The following RFFL variants were observed in gnomAD, a reference collection of about 807,000 sequenced individuals.
RFFL encodes the protein ring finger and FYVE like domain containing E3 ubiquitin protein ligase.
RFFL carries 16 observed loss-of-function variants against 40.4 expected under a neutral mutation model. That is an observed-to-expected ratio of 0.40 (90% CI 0.27 to 0.60). RFFL has a LOEUF of 0.60. Ranked by LOEUF, RFFL falls within the 20% of genes least tolerant of loss-of-function variation. The pLI is 0.47. For missense variants in RFFL, 367 were observed against 451.7 expected (o/e 0.81, Z 1.70); for synonymous variants, 154 against 167.9 (o/e 0.92, Z 0.64).
chr17:35,011,809 A>C lies in RFFL; in HGVS notation c.*159T>G. Reference sequence around the variant, plus strand: ...CCAGCCAAGAGGTACACCCCTGGGAAGACAGGCATGCTCAGGGGTGACATG... The same window carrying C: ...CCAGCCAAGAGGTACACCCCTGGGACGACAGGCATGCTCAGGGGTGACATG... On this transcript the variant is annotated 3_prime_UTR_variant, in exon 7 of 7. Coordinates refer to ENST00000394597, the MANE Select transcript of RFFL (RefSeq NM_001017368.2). 1 of 670,200 alleles carries C rather than the reference A, an allele frequency of 1.5e-6. No homozygotes were observed. The highest frequency in any genetic ancestry group is 1.9e-5 in the South Asian group (1 of 53,988). 41.5% of individuals were successfully genotyped at this position (670,200 alleles called of 1,614,324 possible). A position where few individuals can be genotyped will look rare whatever the true frequency, so the allele number is the denominator to read the frequency against.
intron 1 of RFFL, among the ~76,000 whole-genome samples, chr17:35,040,724 T>G (rs2091158591): frequency 6.6e-6 from 1 of 151,940 alleles, no homozygotes. Context: ...CATATATTAA[T>G]CACATTTCCC....
At chr17:35,026,767 G>A (rs760463683) in intron 1 of RFFL, among the ~76,000 whole-genome samples, 2 of 152,112 alleles carry the variant, frequency 1.3e-5, no homozygotes, top group African/African-American at 4.8e-5. Flanking sequence ...ATGCAGTGGC[G>A]TGATCTCAGC....
intron 1 of RFFL, among the ~76,000 whole-genome samples, chr17:35,058,162 G>A (rs1026174655): frequency 6.6e-6 from 1 of 151,952 alleles, no homozygotes; most frequent in Non-Finnish European, 1.5e-5. Flanking sequence ...AGAAGCAGGA[G>A]AGATGAGATC....
At chr17:35,066,236 T>A (rs2091320697), upstream of RFFL, among the ~76,000 whole-genome samples, 1 of 152,200 alleles carries the variant, frequency 6.6e-6, no homozygotes, top group African/African-American at 2.4e-5. Flanking sequence ...ATTTAATGAG[T>A]GTGCATATGT....
chr17:35,079,308 G>A (rs1243047475), intron 1 of RFFL, among the ~76,000 whole-genome samples: 1 of 152,170 alleles, frequency 6.6e-6, no homozygotes, highest in African/African-American at 2.4e-5. Context: ...ACAGGCGTGA[G>A]CCACCGCCCA....
intron 1 of RFFL, among the ~76,000 whole-genome samples, chr17:35,051,796 C>T (rs1293023669): frequency 6.6e-6 from 1 of 152,190 alleles, no homozygotes; most frequent in Non-Finnish European, 1.5e-5. Context: ...AGTTAAACAG[C>T]CCTTTCGTGA....
At chr17:35,068,208 C>A (rs182097527), upstream of RFFL, among the ~76,000 whole-genome samples, 514 of 152,284 alleles carry the variant, frequency 3.4e-3, no homozygotes, top group Non-Finnish European at 2.1e-3. Flanking sequence ...TCCTGATGAG[C>A]CAATTTTGCC....
chr17:35,074,025 T>C (rs889947305), intron 1 of RFFL: 3 of 152,246 alleles, frequency 2.0e-5, no homozygotes, highest in Non-Finnish European at 4.4e-5. Context: ...TAGGCCCATG[T>C]AGTTTTATGA....
In RFFL at chr17:35,016,444, C is replaced by A. The variant is rs1393506806; in HGVS notation, c.812G>T (p.Gly271Val). 4 of 1,614,204 alleles carry A rather than the reference C, an allele frequency of 2.5e-6. No individual in the cohort carries two copies. The highest frequency in any genetic ancestry group is 3.4e-6 in the Non-Finnish European group (4 of 1,180,028). The change falls in exon 5 of 7, where the codon GGC becomes GTC. Residue 271 changes from glycine (G) to valine (V), a missense_variant. Physicochemically the swap from Gly to Val is moderately radical, Grantham distance 109. Coordinates refer to ENST00000394597, the MANE Select transcript of RFFL (RefSeq NM_001017368.2). Reference sequence around the variant, plus strand: ...CATCAGCTCCCACTTCTCACAGCAGCCCTTGTAGTTGACAAAGTTGCGAGC... The same window carrying A: ...CATCAGCTCCCACTTCTCACAGCAGACCTTGTAGTTGACAAAGTTGCGAGC... Reference protein sequence around the residue: ...ILARNFVNYKGCCEKWELMER... With the variant: ...ILARNFVNYKVCCEKWELMER...
At chr17:35,083,631 A>C (rs1486501251) in intron 1 of RFFL, among the ~76,000 whole-genome samples, 2 of 151,818 alleles carry the variant, frequency 1.3e-5, no homozygotes, top group Non-Finnish European at 2.9e-5. Flanking sequence ...AAATACAAAA[A>C]TCGGCTGGAC....
intron 1 of RFFL, among the ~76,000 whole-genome samples, chr17:35,084,727 TA>T (rs71366407): frequency 6.0e-4 from 86 of 144,434 alleles, no homozygotes; most frequent in Admixed American, 1.5e-3. Context: ...CCGTCTCTAC[TA>T]AAAAAAAAAA....
intron 1 of RFFL, among the ~76,000 whole-genome samples, chr17:35,063,118 C>T (rs1355321989): frequency 6.6e-6 from 1 of 152,042 alleles, no homozygotes; most frequent in Non-Finnish European, 1.5e-5. Context: ...TTTATATAAT[C>T]AGTGATTTAA....
At chr17:35,017,967 AG>A (rs1327746479) in intron 3 of RFFL, among the ~76,000 whole-genome samples, 1 of 152,142 alleles carries the variant, frequency 6.6e-6, no homozygotes, top group East Asian at 1.9e-4. Context: ...TCTGGCATCA[AG>A]GTTTTTCTTG....
intron 2 of RFFL, among the ~76,000 whole-genome samples, chr17:35,024,031 A>G (rs1399454981): frequency 6.6e-6 from 1 of 152,222 alleles, no homozygotes; most frequent in Non-Finnish European, 1.5e-5. Flanking sequence ...ATGGTTCAAA[A>G]CAACTCAGTA....
chr17:35,044,847 T>G (rs1358602961), intron 1 of RFFL, among the ~76,000 whole-genome samples: 3 of 151,328 alleles, frequency 2.0e-5, no homozygotes, highest in Non-Finnish European at 4.4e-5. Context: ...CAGGGAAACC[T>G]TTCCTGATCC....
At chr17:35,029,522 T>C (rs913298208) in intron 1 of RFFL, among the ~76,000 whole-genome samples, 5 of 51,630 alleles carry the variant, frequency 9.7e-5, no homozygotes, top group Middle Eastern at 9.4e-3. Flanking sequence ...TTTTGCTTTC[T>C]TTTTTTTTTT....
chr17:35,030,083 G>A (rs2091072728), intron 1 of RFFL, among the ~76,000 whole-genome samples: 1 of 150,030 alleles, frequency 6.7e-6, no homozygotes, highest in Admixed American at 6.6e-5. Context: ...TCTTAATCCA[G>A]TCTATCATTG....
chr17:35,019,211 G>T (rs1176153718), intron 3 of RFFL, among the ~76,000 whole-genome samples: 1 of 152,144 alleles, frequency 6.6e-6, no homozygotes, highest in Non-Finnish European at 1.5e-5. Context: ...GCTCTCACCA[G>T]AACAGGGGAT....
At chr17:35,085,175 A>G (rs2091423206) in intron 1 of RFFL, among the ~76,000 whole-genome samples, 1 of 152,070 alleles carries the variant, frequency 6.6e-6, no homozygotes, top group African/African-American at 2.4e-5. Context: ...GGCGTTTGGA[A>G]CTCCTTACAA....
Sources: gnomAD v4.1 joint callset for allele counts (sites outside exome capture counted in the v4.1 genomes callset) on GRCh38, gnomAD v4.1.1 for gene constraint, MANE v1.5 for transcripts, NCBI Gene and HGNC (gene_info 2026-07-23, HGNC 2026-07-21) for gene names.